FNTA: variants seen among roughly 807,000 people sequenced by gnomAD.
FNTA encodes farnesyltransferase, CAAX box, subunit alpha.
Under a neutral mutation model 55.2 loss-of-function variants are expected in FNTA, and 27 were observed. The ratio of observed to expected loss-of-function variants is 0.49; its 90% CI spans 0.36 to 0.67. The LOEUF is 0.67. Ranked by LOEUF, FNTA falls within the 30% of genes least tolerant of loss-of-function variation. FNTA has a pLI of 0.00. For missense variants in FNTA, 422 were observed against 464.7 expected, an observed-to-expected ratio of 0.91 and a Z score of 0.85; for synonymous variants, 176 against 170.7, an observed-to-expected ratio of 1.03 and a Z score of -0.24.
In FNTA at chr8:43,084,825, G is replaced by C; in HGVS notation, c.961G>C (p.Asp321His). ...TGCCTTTCTTGTGGATATCTATGAA[G>C]ACATGCTAGAAAATCAGTGTGACAA... ...LIAFLVDIYEDMLENQCDNKE... is the reference protein window; with the variant it reads ...LIAFLVDIYEHMLENQCDNKE... Residue 321 changes from aspartate (D) to histidine (H), a missense_variant, in exon 8 of 9, where the codon GAC becomes CAC. Around this residue, in one of 2 missense-constraint regions of FNTA, gnomAD observed 262 missense variants for 343.1 expected, o/e 0.76. Coordinates refer to ENST00000302279, the MANE Select transcript of FNTA (RefSeq NM_002027.3). The C allele has an allele frequency of 6.2e-7, 1 of 1,613,918 alleles. No homozygotes were observed. The highest frequency in any genetic ancestry group is 8.5e-7 in the Non-Finnish European group (1 of 1,179,934).
intron 4 of FNTA, among the ~76,000 whole-genome samples, chr8:43,071,395 G>T (rs1810787001): frequency 6.6e-6 from 1 of 152,094 alleles, no homozygotes; most frequent in African/African-American, 2.4e-5. Context: ...TCCTGGCCGG[G>T]CGCGGTGGCT....
chr8:43,083,027 C>T (rs931328593), intron 6 of FNTA, 91 bp from the exon 7 acceptor site: 15 of 704,294 alleles, frequency 2.1e-5, no homozygotes, highest in East Asian at 6.8e-5. Context: ...GCCTGGGTGA[C>T]AGAGCAAGAC....
At chr8:43,076,410 C>A (rs1190582714) in intron 5 of FNTA, among the ~76,000 whole-genome samples, 4 of 152,172 alleles carry the variant, frequency 2.6e-5, no homozygotes, top group Non-Finnish European at 4.4e-5. Flanking sequence ...CTCCTGGCCT[C>A]AAGTGACCTT....
intron 2 of FNTA, among the ~76,000 whole-genome samples, chr8:43,060,691 A>G (rs1196283115): frequency 8.1e-6 from 1 of 123,616 alleles, no homozygotes; most frequent in African/African-American, 2.7e-5. Flanking sequence ...AAAAAAAAAA[A>G]AATTAACTTT....
chr8:43,061,134 G>A (rs1810520324), intron 2 of FNTA, among the ~76,000 whole-genome samples: 1 of 152,162 alleles, frequency 6.6e-6, no homozygotes, highest in African/African-American at 2.4e-5. Flanking sequence ...ATTTCATATG[G>A]GATTTTTCGA....
intron 5 of FNTA, among the ~76,000 whole-genome samples, chr8:43,076,267 C>T (rs1294896494): frequency 6.6e-6 from 1 of 152,118 alleles, no homozygotes; most frequent in African/African-American, 2.4e-5. Flanking sequence ...TGGTCTCAAA[C>T]TCCTGACCTC....
chr8:43,056,398 C>T lies in FNTA; in HGVS notation c.52C>T (p.Gln18Ter), dbSNP rs1289347667. 3.3e-6 allele frequency: 5 copies of T among 1,509,026 alleles called. No individual in the cohort carries two copies. In the Admixed American group the frequency reaches 6.4e-5, roughly 19 times the overall value. 93.5% of individuals were successfully genotyped at this position (1,509,026 alleles called of 1,614,324 possible). ...GGCTGCGCAAGGGGGCGAGCCCGGG[C>T]AGCCGGCGCAACCCCCGCCCCAGCC... ...GEAAQGGEPG[Q>*]PAQPPPQPHP... Residue 18 changes from glutamine (Q) to a stop codon, truncating the protein, a stop_gained, in exon 1 of 9, where the codon CAG (glutamine) becomes TAG (stop). Coordinates refer to ENST00000302279, the MANE Select transcript of FNTA (RefSeq NM_002027.3). LOFTEE classifies it high-confidence loss of function.
chr8:43,059,252 A>C, intron 2 of FNTA, 75 bp downstream of exon 2: 1 of 951,088 alleles, frequency 1.1e-6, no homozygotes, highest in Non-Finnish European at 1.6e-6. Flanking sequence ...ACTATGTAGC[A>C]AGATAGATGA....
At chr8:43,069,771 G>T (rs778886995) in intron 4 of FNTA, 112 bp downstream of exon 4, 3 of 651,488 alleles carry the variant, frequency 4.6e-6, no homozygotes, top group Non-Finnish European at 8.1e-6. Flanking sequence ...CAGCCTCCTG[G>T]GTAGCTGGGA....
chr8:43,071,129 T>A (rs1334666601), intron 4 of FNTA, among the ~76,000 whole-genome samples: 2 of 152,176 alleles, frequency 1.3e-5, no homozygotes, highest in African/African-American at 4.8e-5. Context: ...TCTGCTCACT[T>A]TTAGTTGAAT....
intron 2 of FNTA, chr8:43,063,232 C>T (rs533439342): frequency 6.6e-6 from 3 of 455,328 alleles, no homozygotes; most frequent in Non-Finnish European, 8.8e-6. Context: ...AGGCCTGGAT[C>T]ACCACGCCCG....
chr8:43,078,341 T>G (rs1810955464), intron 6 of FNTA: 1 of 151,780 alleles, frequency 6.6e-6, no homozygotes, highest in African/African-American at 2.4e-5. Flanking sequence ...GTTTTTTTTT[T>G]TTGTTTGTTT....
At chr8:43,073,350 CT>C (rs922954159) in intron 5 of FNTA, 8 of 152,184 alleles carry the variant, frequency 5.3e-5, no homozygotes, top group African/African-American at 1.9e-4. Flanking sequence ...GCCCCCTTAA[CT>C]GGCATGCTTC....
intron 1 of FNTA, chr8:43,057,304 C>G (rs1810431733): frequency 6.6e-6 from 1 of 152,158 alleles, no homozygotes; most frequent in Admixed American, 6.5e-5. Flanking sequence ...TTCTGTAGTT[C>G]TAGGTAAATC....
Position 43,056,346 on chromosome 8 carries a change from G to A in FNTA, c.-1G>A. ...CCACCTCAGCTGCGGACCGAGGCGA[G>A]ATGGCGGCCACCGAGGGGGTCGGGG... is the stretch of plus-strand genomic sequence containing the variant. On this transcript the variant is annotated 5_prime_UTR_variant, in exon 1 of 9. Coordinates refer to ENST00000302279, the MANE Select transcript of FNTA (RefSeq NM_002027.3). 2.8e-6 allele frequency: 4 copies of A among 1,414,360 alleles called. No homozygotes were observed. The highest frequency in any genetic ancestry group is 3.7e-6 in the Non-Finnish European group (4 of 1,092,224). 87.6% of individuals were successfully genotyped at this position (1,414,360 alleles called of 1,614,324 possible). A position where few individuals can be genotyped will look rare whatever the true frequency, so the allele number is the denominator to read the frequency against.
In FNTA at chr8:43,084,830, G is replaced by C. The variant is rs753691305; in HGVS notation, c.966G>C (p.Met322Ile). The change falls in exon 8 of 9, where the codon ATG (methionine) becomes ATC (isoleucine). Residue 322 changes from methionine (M) to isoleucine (I), a missense_variant. Met to Ile is a conservative substitution (Grantham distance 10). Coordinates refer to ENST00000302279, the MANE Select transcript of FNTA (RefSeq NM_002027.3). ...TTCTTGTGGATATCTATGAAGACAT[G>C]CTAGAAAATCAGTGTGACAATAAGG... ...IAFLVDIYED[M>I]LENQCDNKED... 7 of 1,613,994 alleles carry C rather than the reference G, an allele frequency of 4.3e-6. No individual in the cohort carries two copies. The highest frequency in any genetic ancestry group is 5.9e-6 in the Non-Finnish European group (7 of 1,179,944).
chr8:43,059,959 C>T (rs1379475576), intron 2 of FNTA, among the ~76,000 whole-genome samples: 1 of 152,134 alleles, frequency 6.6e-6, no homozygotes, highest in Non-Finnish European at 1.5e-5. Context: ...GATCCTCACT[C>T]TATGAAAGCT....
intron 4 of FNTA, among the ~76,000 whole-genome samples, chr8:43,071,392 C>G (rs566427389): frequency 1.3e-5 from 2 of 152,026 alleles, no homozygotes. Flanking sequence ...AACTCCTGGC[C>G]GGGCGCGGTG....
At chr8:43,060,046 TG>T (rs1810495614) in intron 2 of FNTA, among the ~76,000 whole-genome samples, 1 of 152,220 alleles carries the variant, frequency 6.6e-6, no homozygotes, top group African/African-American at 2.4e-5. Flanking sequence ...AACAGTTGGC[TG>T]TGCACTTAGA....
Sources: allele counts gnomAD v4.1 joint callset (sites outside exome capture counted in the v4.1 genomes callset), GRCh38; gene constraint gnomAD v4.1.1; regional missense constraint gnomAD v4.1.1; transcripts MANE v1.5; gene names NCBI Gene and HGNC (gene_info 2026-07-23, HGNC 2026-07-21).